The following SHISA6 variants were observed in gnomAD, a reference collection of about 807,000 sequenced individuals.
SHISA6 encodes the protein shisa family member 6, also known as protein shisa-6.
In SHISA6, 22 loss-of-function variants were observed where a neutral mutation model predicts 47.9. That is an observed-to-expected ratio of 0.46 (90% confidence interval 0.33 to 0.66). The LOEUF is 0.66. Ranked by LOEUF, SHISA6 falls within the 30% of genes least tolerant of loss-of-function variation. SHISA6 has a pLI of 0.02. For missense variants in SHISA6, 680 were observed against 764.6 expected, an observed-to-expected ratio of 0.89 and a Z score of 1.30; for synonymous variants, 388 against 337.8, an observed-to-expected ratio of 1.15 and a Z score of -1.63.
intron 3 of SHISA6, among the ~76,000 whole-genome samples, chr17:11,449,674 G>A (rs1915331286): frequency 6.6e-6 from 1 of 152,128 alleles, no homozygotes; most frequent in Non-Finnish European, 1.5e-5. Context: ...CAAACTTGGT[G>A]GCTTAACAAA....
chr17:11,449,093 T>C (rs569835793), intron 3 of SHISA6, among the ~76,000 whole-genome samples: 2 of 152,236 alleles, frequency 1.3e-5, no homozygotes, highest in African/African-American at 4.8e-5. Flanking sequence ...GAAAGGTACA[T>C]GAAGCATTGA....
At chr17:11,498,627 C>G (rs1254032718) in intron 3 of SHISA6, among the ~76,000 whole-genome samples, 1 of 152,002 alleles carries the variant, frequency 6.6e-6, no homozygotes, top group Admixed American at 6.6e-5. Flanking sequence ...CCACATGTAA[C>G]CCTCAAATAT....
At chr17:11,433,525 C>T (rs536730572) in intron 3 of SHISA6, among the ~76,000 whole-genome samples, 1 of 152,082 alleles carries the variant, frequency 6.6e-6, no homozygotes, top group Non-Finnish European at 1.5e-5. Context: ...CTATTGTGAA[C>T]AGTGCCATAA....
intron 2 of SHISA6, chr17:11,288,886 G>T (rs1597441495): frequency 6.6e-6 from 1 of 152,144 alleles, no homozygotes; most frequent in African/African-American, 2.4e-5. Context: ...TGATACTGAG[G>T]ACAGTTGGTA....
intron 3 of SHISA6, among the ~76,000 whole-genome samples, chr17:11,477,536 A>G (rs1175214311): frequency 2.0e-5 from 3 of 151,092 alleles, no homozygotes; most frequent in African/African-American, 4.9e-5. Flanking sequence ...GTCATCTAGC[A>G]TTAGGTATAC....
intron 3 of SHISA6, among the ~76,000 whole-genome samples, chr17:11,427,403 G>A (rs1914638034): frequency 6.6e-6 from 1 of 152,072 alleles, no homozygotes; most frequent in African/African-American, 2.4e-5. Context: ...AAAGTGCTGG[G>A]ATTACAGGCG....
chr17:11,411,203 C>T lies in SHISA6; in HGVS notation c.895+31694C>T, dbSNP rs139092143. ...CCGGTTGGTCTCGATCTCGTGACCT[C>T]GTGATCTGCCCACCTCGGCCTCCCA... On this transcript the variant is annotated intron_variant, in intron 3 of 5. Transcript: ENST00000441885. Among the ~76,000 whole-genome samples, 1,288 of 152,162 alleles carry T rather than the reference C, an allele frequency of 8.5e-3. 18 individuals are homozygous for T. Among genetic ancestry groups the T allele is most frequent in the African/African-American group, 0.029 (1,200 of 41,526 alleles).
At chr17:11,299,741 G>C (rs531676561) in intron 2 of SHISA6, among the ~76,000 whole-genome samples, 1 of 152,182 alleles carries the variant, frequency 6.6e-6, no homozygotes, top group South Asian at 2.1e-4. Context: ...TGACCAACCT[G>C]TGTCCACTTA....
chr17:11,292,671 G>A (rs1040640441), intron 2 of SHISA6, among the ~76,000 whole-genome samples: 6 of 151,802 alleles, frequency 4.0e-5, no homozygotes, highest in South Asian at 2.1e-4. Context: ...TTGAGGAACC[G>A]GAGACCAGTG....
At chr17:11,300,157 A>G (rs1909875274) in intron 2 of SHISA6, among the ~76,000 whole-genome samples, 1 of 150,970 alleles carries the variant, frequency 6.6e-6, no homozygotes, top group Admixed American at 6.6e-5. Context: ...AACAAAAAAA[A>G]AAAAAAAAGA....
intron 2 of SHISA6, among the ~76,000 whole-genome samples, chr17:11,363,777 C>T (rs539999598): frequency 4.6e-5 from 7 of 152,310 alleles, no homozygotes; most frequent in East Asian, 3.9e-4. Flanking sequence ...TTGCTATTGC[C>T]GTGACAACAC....
At chr17:11,494,231 C>A (rs1567620758) in intron 3 of SHISA6, among the ~76,000 whole-genome samples, 1 of 152,116 alleles carries the variant, frequency 6.6e-6, no homozygotes, top group Non-Finnish European at 1.5e-5. Flanking sequence ...TCATCCCTGC[C>A]ACTCTCTTCC....
At chr17:11,390,596 T>C (rs1348376917) in intron 3 of SHISA6, among the ~76,000 whole-genome samples, 1 of 151,764 alleles carries the variant, frequency 6.6e-6, no homozygotes, top group African/African-American at 2.4e-5. Context: ...GAAGCACTGA[T>C]AAAAAATATT....
intron 1 of SHISA6, among the ~76,000 whole-genome samples, chr17:11,255,491 T>C (rs1025581721): frequency 6.6e-6 from 1 of 152,238 alleles, no homozygotes; most frequent in Non-Finnish European, 1.5e-5. Context: ...GCTCAAGCTG[T>C]GAATACCTTC....
intron 1 of SHISA6, among the ~76,000 whole-genome samples, chr17:11,245,279 G>T (rs1169608855): frequency 2.6e-5 from 4 of 152,212 alleles, no homozygotes; most frequent in Non-Finnish European, 5.9e-5. Context: ...AGCCGTGCCT[G>T]CCTTTCCCAA....
rs112949328 is a variant in SHISA6, at chr17:11,495,291, C to T, written c.896-56605C>T. ...GCTGACTGCTCCACCTAGCACTGCT[C>T]TGTTTTTTCCTCTCTCCTTCCTTCT... On this transcript the variant is annotated intron_variant, in intron 3 of 5. Coordinates refer to ENST00000441885, the MANE Select transcript of SHISA6 (RefSeq NM_207386.4). Among the ~76,000 whole-genome samples the T allele has an allele frequency of 6.5e-4, 99 of 152,324 alleles. 1 individual carries two copies. The highest frequency in any genetic ancestry group is 3.4e-3 in the Middle Eastern group (1 of 294).
At chr17:11,249,055 G>A (rs1042712656) in intron 1 of SHISA6, among the ~76,000 whole-genome samples, 1 of 151,126 alleles carries the variant, frequency 6.6e-6, no homozygotes. Flanking sequence ...GGAGAATGGC[G>A]TGAACCTGGG....
intron 3 of SHISA6, among the ~76,000 whole-genome samples, chr17:11,527,614 T>G (rs984358780): frequency 2.0e-5 from 3 of 152,182 alleles, no homozygotes; most frequent in Non-Finnish European, 4.4e-5. Context: ...ATGACATAGT[T>G]TAAGGGTTGG....
chr17:11,557,566 G>A (rs925621331), intron 5 of SHISA6, among the ~76,000 whole-genome samples, 188 bp from the exon 6 acceptor site: 6 of 152,188 alleles, frequency 3.9e-5, no homozygotes, highest in Admixed American at 3.3e-4. Flanking sequence ...CCAGAGAATG[G>A]TTTGCACATT....
Sources: allele counts gnomAD v4.1 joint callset (sites outside exome capture counted in the v4.1 genomes callset), GRCh38; gene constraint gnomAD v4.1.1; transcripts MANE v1.5; gene names NCBI Gene and HGNC (gene_info 2026-07-23, HGNC 2026-07-21).